The following RALYL variants were observed in gnomAD, a reference collection of about 807,000 sequenced individuals.
RALYL encodes the protein RALY RNA binding protein like, also known as RNA-binding Raly-like protein.
In RALYL, 29 loss-of-function variants were observed where a neutral mutation model predicts 35.1. The ratio of observed to expected loss-of-function variants is 0.83; its 90% CI spans 0.61 to 1.13. The LOEUF is 1.13. Ranked by LOEUF, RALYL falls within the 50% of genes most tolerant of loss-of-function variation. RALYL has a pLI of 0.00. For synonymous variants in RALYL, 120 were observed against 127.6 expected, an observed-to-expected ratio of 0.94 and a Z score of 0.40; for missense variants, 359 against 360.4, an observed-to-expected ratio of 1.00 and a Z score of 0.03.
rs75834436 is a variant in RALYL, at chr8:84,639,411, A to G, written c.256+109834A>G. Among the ~76,000 whole-genome samples the G allele has an allele frequency of 3.3e-4, 50 of 151,914 alleles. No individual in the cohort carries two copies. The East Asian group carries it at 9.6e-3, about 29-fold the overall frequency. On this transcript the variant is annotated intron_variant, in intron 2 of 8. Coordinates refer to ENST00000521268, the MANE Select transcript of RALYL (RefSeq NM_173848.7). ...ACAACAAGCCTTTTCTGTCAACCTT[A>G]TGATCTCCATTTTAATGTTAATGCT... is the stretch of plus-strand genomic sequence containing the variant.
intron 1 of RALYL, among the ~76,000 whole-genome samples, chr8:84,365,549 A>G (rs1020003051): frequency 6.6e-6 from 1 of 152,226 alleles, no homozygotes; most frequent in Non-Finnish European, 1.5e-5. Context: ...AATTACTGGC[A>G]GCACTGCCAC....
intron 2 of RALYL, among the ~76,000 whole-genome samples, chr8:84,700,376 AG>A (rs1395704744): frequency 2.6e-5 from 4 of 152,308 alleles, no homozygotes; most frequent in African/African-American, 9.6e-5. Context: ...AACTGGACAA[AG>A]TCCAAAGAAA....
chr8:84,728,516 T>A (rs1390246538), intron 2 of RALYL, among the ~76,000 whole-genome samples: 1 of 151,926 alleles, frequency 6.6e-6, no homozygotes, highest in Non-Finnish European at 1.5e-5. Context: ...TTGTTGCCAT[T>A]GCTTTTGGTG....
chr8:84,704,291 G>A (rs1286454734), intron 2 of RALYL, among the ~76,000 whole-genome samples: 1 of 152,048 alleles, frequency 6.6e-6, no homozygotes, highest in Non-Finnish European at 1.5e-5. Flanking sequence ...TGGGCGTGGT[G>A]GCAGGCACCT....
At chr8:84,913,831 A>T (rs935589511) in intron 8 of RALYL, among the ~76,000 whole-genome samples, 5 of 151,720 alleles carry the variant, frequency 3.3e-5, no homozygotes, top group African/African-American at 9.7e-5. Context: ...ATACTGATTT[A>T]AAAAAAAGGA....
intron 1 of RALYL, among the ~76,000 whole-genome samples, chr8:84,289,728 C>A (rs1838394260): frequency 1.3e-5 from 2 of 151,910 alleles, no homozygotes; most frequent in Admixed American, 1.3e-4. Context: ...ATTTTTTGTT[C>A]TTTTGTAATT....
chr8:84,264,315 T>C (rs1832863412), intron 1 of RALYL, among the ~76,000 whole-genome samples: 1 of 152,236 alleles, frequency 6.6e-6, no homozygotes, highest in Non-Finnish European at 1.5e-5. Context: ...TTCTGACTGG[T>C]GTGAGATGGT....
At chr8:84,527,931 C>A (rs711052) in intron 1 of RALYL, among the ~76,000 whole-genome samples, 82,141 of 151,840 alleles carry the variant, frequency 0.54, 22,325 homozygotes, top group East Asian at 0.66. Flanking sequence ...TTAAAAATCC[C>A]AGATGTAATA....
chr8:84,244,123 A>G (rs1828581821), intron 1 of RALYL, among the ~76,000 whole-genome samples: 1 of 152,108 alleles, frequency 6.6e-6, no homozygotes, highest in South Asian at 2.1e-4. Context: ...GCAACTATGT[A>G]TCTTATTAAT....
At chr8:84,364,150 G>A (rs145021740) in intron 1 of RALYL, among the ~76,000 whole-genome samples, 67 of 152,254 alleles carry the variant, frequency 4.4e-4, no homozygotes, top group Non-Finnish European at 9.3e-4. Flanking sequence ...TACATCTGGA[G>A]CATGCATTGC....
At position 84,253,994 on chromosome 8, in the gene RALYL, T is replaced by TTACAA. The variant is rs1488249074; in HGVS notation, c.-24+69570_-24+69571insTACAA. Among the ~76,000 whole-genome samples the TTACAA allele has an allele frequency of 6.6e-5, 10 of 152,260 alleles. No homozygotes were observed. In the South Asian group the frequency reaches 1.2e-3, roughly 19 times the overall value. The stretch of plus-strand genomic sequence containing the variant: ...ATTTCTCATATTTTTGTAAATAGGT[T>TTACAA]GACAAATGCATCATGATATGTTCAG... On this transcript the variant is annotated intron_variant, in intron 1 of 8. Coordinates refer to ENST00000521268, the MANE Select transcript of RALYL (RefSeq NM_173848.7).
intron 4 of RALYL, among the ~76,000 whole-genome samples, chr8:84,809,447 T>G (rs1563652288): frequency 6.6e-6 from 1 of 152,110 alleles, no homozygotes; most frequent in African/African-American, 2.4e-5. Context: ...AGTTTTCTTT[T>G]TTGGTTATGT....
intron 1 of RALYL, among the ~76,000 whole-genome samples, chr8:84,451,603 A>G (rs530142043): frequency 1.3e-3 from 198 of 152,098 alleles, no homozygotes; most frequent in Non-Finnish European, 2.1e-3. Flanking sequence ...AGCTGATGGA[A>G]AAGTTGCCAC....
At chr8:84,914,294 T>C (rs1848072136) in intron 8 of RALYL, among the ~76,000 whole-genome samples, 1 of 152,030 alleles carries the variant, frequency 6.6e-6, no homozygotes, top group Non-Finnish European at 1.5e-5. Context: ...TATCCTAAAA[T>C]TATCATTATC....
At chr8:84,825,726 G>T (rs748459793) in intron 4 of RALYL, among the ~76,000 whole-genome samples, 2 of 152,034 alleles carry the variant, frequency 1.3e-5, no homozygotes, top group Non-Finnish European at 2.9e-5. Context: ...AAATTAGCTG[G>T]GCATGGTGGT....
intron 4 of RALYL, among the ~76,000 whole-genome samples, chr8:84,806,565 C>CA (rs534568702): frequency 0.018 from 1,741 of 95,626 alleles, 25 homozygotes; most frequent in South Asian, 0.054. Context: ...AAAATCTCTC[C>CA]AAAAAAAAAA....
chr8:84,904,654 T>C (rs1277974004), intron 8 of RALYL, among the ~76,000 whole-genome samples: 2 of 152,150 alleles, frequency 1.3e-5, no homozygotes, highest in Admixed American at 1.3e-4. Context: ...GTTGCTTCAT[T>C]TGACTTTTAA....
chr8:84,453,380 A>G (rs2049739912), intron 1 of RALYL, among the ~76,000 whole-genome samples: 1 of 151,986 alleles, frequency 6.6e-6, no homozygotes, highest in African/African-American at 2.4e-5. Flanking sequence ...AAGAGAAAAT[A>G]TGTATATAAT....
intron 4 of RALYL, among the ~76,000 whole-genome samples, chr8:84,812,373 G>A (rs1287882632): frequency 6.6e-6 from 1 of 152,098 alleles, no homozygotes; most frequent in African/African-American, 2.4e-5. Flanking sequence ...TCTCAGCTTT[G>A]GTGGTTTAAT....
Sources: allele counts gnomAD v4.1 joint callset (sites outside exome capture counted in the v4.1 genomes callset), GRCh38; gene constraint gnomAD v4.1.1; transcripts MANE v1.5; gene names NCBI Gene and HGNC (gene_info 2026-07-23, HGNC 2026-07-21).